The following SGCZ variants were observed in gnomAD, a reference collection of about 807,000 sequenced individuals.
The protein encoded by SGCZ is zeta-sarcoglycan.
Under a neutral mutation model 41.3 loss-of-function variants are expected in SGCZ, and 40 were observed. The observed-to-expected ratio is 0.97, with a 90% CI of 0.75 to 1.26. SGCZ has a LOEUF of 1.26. Ranked by LOEUF, SGCZ falls within the 50% of genes most tolerant of loss-of-function variation. The pLI, the probability that SGCZ is intolerant of heterozygous loss-of-function variation, is 0.00. For missense variants in SGCZ, 552 were observed against 369.8 expected (o/e 1.49, Z -4.04); for synonymous variants, 206 against 137.5 (o/e 1.50, Z -3.49).
intron 2 of SGCZ, among the ~76,000 whole-genome samples, chr8:14,539,407 G>C (rs563753513): frequency 6.6e-6 from 1 of 152,084 alleles, no homozygotes; most frequent in Admixed American, 6.6e-5. Context: ...AGGGAACTCA[G>C]GGGTCAGGGA....
chr8:15,017,762 T>A (rs1212349289), intron 1 of SGCZ, among the ~76,000 whole-genome samples: 1 of 152,150 alleles, frequency 6.6e-6, no homozygotes, highest in Admixed American at 6.5e-5. Flanking sequence ...TCCCTCAGCC[T>A]CTCAAAGTGC....
intron 1 of SGCZ, among the ~76,000 whole-genome samples, chr8:15,002,221 A>G (rs1386988917): frequency 6.6e-6 from 1 of 151,796 alleles, no homozygotes; most frequent in Non-Finnish European, 1.5e-5. Flanking sequence ...AAAGCCATCA[A>G]TAATAAGTCA....
chr8:14,089,482 T>A lies in SGCZ; in HGVS notation c.*961A>T, dbSNP rs1393102380. Among the ~76,000 whole-genome samples, 1 of 152,026 alleles carries A rather than the reference T, an allele frequency of 6.6e-6. No individual in the cohort carries two copies. Among genetic ancestry groups the A allele is most frequent in the Non-Finnish European group, 1.5e-5 (1 of 67,946 alleles). ...ATATTAGTATTATTTATTTAGAAGA[T>A]GTTTGAATTTTAGCAGTCAGAATCA... On this transcript the variant is annotated 3_prime_UTR_variant, in exon 8 of 8. Transcript: ENST00000382080.
At chr8:14,338,581 CTT>C (rs565590700) in intron 2 of SGCZ, among the ~76,000 whole-genome samples, 324 of 152,184 alleles carry the variant, frequency 2.1e-3, no homozygotes, top group Non-Finnish European at 4.0e-3. Flanking sequence ...ATGTTATTCT[CTT>C]GTTTATTGAG....
chr8:14,250,105 A>G (rs1020234171), intron 3 of SGCZ, among the ~76,000 whole-genome samples: 1 of 152,208 alleles, frequency 6.6e-6, no homozygotes, highest in Non-Finnish European at 1.5e-5. Flanking sequence ...GGTCATGCCA[A>G]CAAAGCTGGT....
At chr8:14,380,877 A>G (rs1038511308) in intron 2 of SGCZ, among the ~76,000 whole-genome samples, 8 of 152,286 alleles carry the variant, frequency 5.3e-5, no homozygotes, top group Non-Finnish European at 2.9e-5. Flanking sequence ...AAACAAAAAA[A>G]AAAATTGTGT....
intron 2 of SGCZ, among the ~76,000 whole-genome samples, chr8:14,397,615 T>C (rs73664342): frequency 0.17 from 25,770 of 152,054 alleles, 5,173 homozygotes; most frequent in African/African-American, 0.48. Flanking sequence ...AAGCATACCA[T>C]TACTTTCTCC....
At chr8:14,738,082 G>A (rs1297632642) in intron 1 of SGCZ, among the ~76,000 whole-genome samples, 3 of 152,060 alleles carry the variant, frequency 2.0e-5, no homozygotes, top group African/African-American at 7.2e-5. Flanking sequence ...CTCCATACTG[G>A]TGACAGCCAC....
At chr8:15,002,826 CAAATCTCATCTTG>C (rs1400067615) in intron 1 of SGCZ, among the ~76,000 whole-genome samples, 11 of 152,262 alleles carry the variant, frequency 7.2e-5, no homozygotes, top group African/African-American at 2.6e-4. Flanking sequence ...TGTCCCCATC[CAAATCTCATCTTG>C]AATTACAGAT....
chr8:14,856,537 T>C lies in SGCZ; in HGVS notation c.40-301611A>G, dbSNP rs573941766. Among the ~76,000 whole-genome samples the C allele has an allele frequency of 2.0e-5, 3 of 152,310 alleles. No individual in the cohort carries two copies. The South Asian group carries it at 6.2e-4, about 32-fold the overall frequency. On this transcript the variant is annotated intron_variant, in intron 1 of 7. Transcript: ENST00000382080. Reference sequence around the variant, plus strand: ...GTATGAGTGACTGCTACTGAGAAGCTGAGCTCTCTCATGTTCCCTAATGAG... The same window carrying C: ...GTATGAGTGACTGCTACTGAGAAGCCGAGCTCTCTCATGTTCCCTAATGAG...
At chr8:14,974,692 C>A (rs947983215) in intron 1 of SGCZ, among the ~76,000 whole-genome samples, 4 of 152,114 alleles carry the variant, frequency 2.6e-5, no homozygotes, top group African/African-American at 9.7e-5. Context: ...GTATTAAGAA[C>A]TCTTCGTGCA....
chr8:15,008,757 GAGGGAGGGACGGAGGGA>G (rs1802711140), intron 1 of SGCZ, among the ~76,000 whole-genome samples: 1 of 46,218 alleles, frequency 2.2e-5, no homozygotes, highest in East Asian at 1.1e-3. Flanking sequence ...GAGGGGGGAG[GAGGGAGGGACGGAGGGA>G]GGGGAGGAGG....
chr8:15,160,640 A>T (rs1190647706), intron 1 of SGCZ, among the ~76,000 whole-genome samples: 1 of 152,202 alleles, frequency 6.6e-6, no homozygotes, highest in African/African-American at 2.4e-5. Context: ...AAACATTTTC[A>T]CATTAAAACT....
At chr8:14,316,633 T>A (rs922774831) in intron 3 of SGCZ, among the ~76,000 whole-genome samples, 24 of 151,952 alleles carry the variant, frequency 1.6e-4, no homozygotes, top group African/African-American at 5.8e-4. Context: ...TTCCAGGATA[T>A]CATATTATTT....
At chr8:14,134,637 T>G (rs1400865042) in intron 5 of SGCZ, among the ~76,000 whole-genome samples, 1 of 152,316 alleles carries the variant, frequency 6.6e-6, no homozygotes, top group Admixed American at 6.5e-5. Flanking sequence ...TAAGCACTGT[T>G]CGCTTCTTGG....
chr8:14,853,627 G>C, intron 1 of SGCZ: 1 of 361,736 alleles, frequency 2.8e-6, no homozygotes. Context: ...GTCCTTTAAA[G>C]AACTGAATCT....
At chr8:14,195,676 A>G (rs1805244419) in intron 4 of SGCZ, among the ~76,000 whole-genome samples, 1 of 152,156 alleles carries the variant, frequency 6.6e-6, no homozygotes, top group Non-Finnish European at 1.5e-5. Context: ...ACTTTTGTAC[A>G]TAGAGTAACA....
At chr8:14,737,782 C>A (rs990264722) in intron 1 of SGCZ, among the ~76,000 whole-genome samples, 1 of 152,062 alleles carries the variant, frequency 6.6e-6, no homozygotes, top group African/African-American at 2.4e-5. Flanking sequence ...TTAACTTAAT[C>A]ATCTCTTTAT....
intron 3 of SGCZ, among the ~76,000 whole-genome samples, chr8:14,263,020 A>G (rs1031030895): frequency 3.3e-5 from 5 of 152,200 alleles, no homozygotes; most frequent in Admixed American, 2.0e-4. Context: ...CTTAAATTTT[A>G]AACTATGCAT....
Sources: allele counts gnomAD v4.1 joint callset (sites outside exome capture counted in the v4.1 genomes callset), GRCh38; gene constraint gnomAD v4.1.1; transcripts MANE v1.5; gene names NCBI Gene and HGNC (gene_info 2026-07-23, HGNC 2026-07-21).